The following ATRNL1 variants were observed in gnomAD, a reference collection of about 807,000 sequenced individuals.
ATRNL1 encodes attractin-like protein 1.
A neutral mutation model predicts 182.7 loss-of-function variants in ATRNL1; 95 were observed. The observed-to-expected ratio is 0.52, with a 90% CI of 0.44 to 0.62. The LOEUF (loss-of-function observed/expected upper bound fraction) is 0.62, where lower values mean the gene tolerates loss of function less well. Among genes scored for constraint, ATRNL1 ranks in the 20% least tolerant of loss-of-function variants. The probability of loss-of-function intolerance (pLI) is 0.00; values close to 1 mark genes in which losing one functional copy is unlikely to be tolerated. For synonymous variants in ATRNL1, 576 were observed against 568.3 expected, an observed-to-expected ratio of 1.01 and a Z score of -0.19; for missense variants, 1,471 against 1,679.5, an observed-to-expected ratio of 0.88 and a Z score of 2.17.
intron 5 of ATRNL1, among the ~76,000 whole-genome samples, chr10:115,150,853 C>G (rs1463570312): frequency 6.6e-6 from 1 of 152,118 alleles, no homozygotes; most frequent in Non-Finnish European, 1.5e-5. Context: ...AGGTATATCT[C>G]CTAATGCTAT....
At chr10:115,741,809 A>C (rs1948147216) in intron 27 of ATRNL1, among the ~76,000 whole-genome samples, 1 of 152,198 alleles carries the variant, frequency 6.6e-6, no homozygotes, top group East Asian at 1.9e-4. Flanking sequence ...CTTCATATGT[A>C]CTTGAACTCA....
intron 21 of ATRNL1, among the ~76,000 whole-genome samples, chr10:115,457,349 G>A (rs1307628820): frequency 1.3e-5 from 2 of 151,950 alleles, no homozygotes; most frequent in Non-Finnish European, 1.5e-5. Context: ...CATACACCAG[G>A]AACCAATCGA....
chr10:115,151,455 C>A (rs1272625426), intron 5 of ATRNL1, among the ~76,000 whole-genome samples: 1 of 152,174 alleles, frequency 6.6e-6, no homozygotes, highest in Non-Finnish European at 1.5e-5. Flanking sequence ...TTTTGATTTG[C>A]ATTTCTCTGA....
At chr10:115,145,191 A>G (rs1845919937) in intron 5 of ATRNL1, among the ~76,000 whole-genome samples, 1 of 152,174 alleles carries the variant, frequency 6.6e-6, no homozygotes, top group African/African-American at 2.4e-5. Context: ...GAGTTTTCAA[A>G]ATGTGTGGTG....
intron 21 of ATRNL1, among the ~76,000 whole-genome samples, chr10:115,461,556 C>T (rs1368655934): frequency 6.6e-6 from 1 of 152,016 alleles, no homozygotes; most frequent in African/African-American, 2.4e-5. Flanking sequence ...ATGAAAATGT[C>T]TATCTTTACA....
At chr10:115,630,487 T>C (rs1187029912) in intron 26 of ATRNL1, among the ~76,000 whole-genome samples, 1 of 151,686 alleles carries the variant, frequency 6.6e-6, no homozygotes, top group African/African-American at 2.4e-5. Context: ...AAATACCATA[T>C]GATCCAACAA....
intron 5 of ATRNL1, among the ~76,000 whole-genome samples, chr10:115,152,692 T>G (rs1392077753): frequency 6.6e-6 from 1 of 152,188 alleles, no homozygotes; most frequent in East Asian, 1.9e-4. Flanking sequence ...TTTTCCTAAT[T>G]GAATACCCTC....
intron 17 of ATRNL1, among the ~76,000 whole-genome samples, chr10:115,313,717 C>G (rs1205643960): frequency 6.6e-6 from 1 of 151,798 alleles, no homozygotes; most frequent in Non-Finnish European, 1.5e-5. Flanking sequence ...ATAAAACTTA[C>G]TTTCTTAGGA....
chr10:115,681,819 T>C (rs7089941), intron 26 of ATRNL1, among the ~76,000 whole-genome samples: 1,768 of 152,268 alleles, frequency 0.012, 34 homozygotes, highest in African/African-American at 0.04. Flanking sequence ...CACCCACCAC[T>C]TCTTTTTGAG....
intron 7 of ATRNL1, among the ~76,000 whole-genome samples, chr10:115,169,532 A>G (rs967557941): frequency 6.6e-6 from 1 of 151,962 alleles, no homozygotes; most frequent in Non-Finnish European, 1.5e-5. Flanking sequence ...TTTGCTTTGC[A>G]GTAAGTTTTT....
intron 19 of ATRNL1, among the ~76,000 whole-genome samples, chr10:115,357,239 G>T (rs1465419289): frequency 2.0e-5 from 3 of 151,872 alleles, no homozygotes; most frequent in African/African-American, 7.2e-5. Context: ...GTGGGGCATA[G>T]TTCTACTTAT....
At chr10:115,223,929 A>ATATATATATATATATTT (rs1420143943) in intron 9 of ATRNL1, among the ~76,000 whole-genome samples, 24 of 44,730 alleles carry the variant, frequency 5.4e-4, no homozygotes, top group African/African-American at 2.2e-3. Context: ...ATATATATAT[A>ATATATATATATATATTT]TTTTTTTTTT....
chr10:115,461,399 T>G (rs1847789840), intron 21 of ATRNL1, among the ~76,000 whole-genome samples: 1 of 152,132 alleles, frequency 6.6e-6, no homozygotes, highest in Non-Finnish European at 1.5e-5. Context: ...TGTAAAATGA[T>G]GTTTATCATA....
At chr10:115,124,570 A>C (rs1416919302) in intron 3 of ATRNL1, among the ~76,000 whole-genome samples, 4 of 152,172 alleles carry the variant, frequency 2.6e-5, no homozygotes, top group Non-Finnish European at 5.9e-5. Flanking sequence ...GCTGAACTCA[A>C]ATCTCCAGCC....
Position 115,362,790 on chromosome 10 carries a change from G to A in ATRNL1, c.3175+28371G>A, listed in dbSNP as rs1469897451. Among the ~76,000 whole-genome samples, 8 of 151,678 alleles carry A rather than the reference G, an allele frequency of 5.3e-5. No homozygotes were observed. In the Middle Eastern group the frequency reaches 0.017, roughly 325 times the overall value. On this transcript the variant is annotated intron_variant, in intron 19 of 28. Coordinates refer to ENST00000355044, the MANE Select transcript of ATRNL1 (RefSeq NM_207303.4). Reference sequence around the variant, plus strand: ...GCAGTGTTTGGTTTTTTGTTCTTGCGATAGTTTACTGAGAATGATGATTTC... The same window carrying A: ...GCAGTGTTTGGTTTTTTGTTCTTGCAATAGTTTACTGAGAATGATGATTTC...
chr10:115,696,272 T>C (rs1484516376), intron 26 of ATRNL1, among the ~76,000 whole-genome samples: 2 of 152,184 alleles, frequency 1.3e-5, no homozygotes, highest in African/African-American at 4.8e-5. Context: ...TTGTGAACAG[T>C]GCTGTGACAA....
intron 28 of ATRNL1, among the ~76,000 whole-genome samples, chr10:115,870,413 G>T (rs1951552680): frequency 1.3e-5 from 2 of 152,180 alleles, no homozygotes; most frequent in African/African-American, 2.4e-5. Flanking sequence ...TGCATATGAA[G>T]GGCCAGGTAG....
At chr10:115,529,773 T>C (rs1851455521) in intron 25 of ATRNL1, among the ~76,000 whole-genome samples, 1 of 152,148 alleles carries the variant, frequency 6.6e-6, no homozygotes, top group South Asian at 2.1e-4. Flanking sequence ...ATAATTCACA[T>C]ATAATACAAT....
chr10:115,758,726 A>T (rs1339775128), intron 27 of ATRNL1, among the ~76,000 whole-genome samples: 1 of 152,208 alleles, frequency 6.6e-6, no homozygotes, highest in Non-Finnish European at 1.5e-5. Context: ...AGCTGTGCCC[A>T]CAGCCGCCCC....
Sources: gnomAD v4.1 joint callset for allele counts (sites outside exome capture counted in the v4.1 genomes callset) on GRCh38, gnomAD v4.1.1 for gene constraint, MANE v1.5 for transcripts, NCBI Gene and HGNC (gene_info 2026-07-23, HGNC 2026-07-21) for gene names.